FAT3: variants seen among roughly 807,000 people sequenced by gnomAD.
The protein encoded by FAT3 is FAT atypical cadherin 3.
Under a neutral mutation model 310.2 loss-of-function variants are expected in FAT3, and 95 were observed. The ratio of observed to expected loss-of-function variants is 0.31; its 90% CI spans 0.26 to 0.36. The LOEUF (loss-of-function observed/expected upper bound fraction) is 0.36. Among genes scored for constraint, FAT3 ranks in the 10% least tolerant of loss-of-function variants. The pLI, the probability that FAT3 is intolerant of heterozygous loss-of-function variation, is 1.00. For missense variants in FAT3, 5,408 were observed against 5,715.6 expected, an observed-to-expected ratio of 0.95 and a Z score of 1.74; for synonymous variants, 2,314 against 2,192.9, an observed-to-expected ratio of 1.06 and a Z score of -1.54.
At position 92,237,842 on chromosome 11, in the gene FAT3, G is replaced by T. The variant is rs145675568; in HGVS notation, c.-18+12668G>T. Among the ~76,000 whole-genome samples, 352 of 152,250 alleles carry T rather than the reference G, an allele frequency of 2.3e-3. 5 individuals carry two copies. The highest frequency in any genetic ancestry group is 8.3e-3 in the African/African-American group (344 of 41,546). ...GAAATTATAGGTGGTATTTGGTGGA[G>T]TTCTGAGTATTACTATCTGAGATCC... On this transcript the variant is annotated intron_variant, in intron 1 of 27. Transcript: ENST00000525166.
At chr11:92,779,455 A>C (rs1286799442) in intron 7 of FAT3, among the ~76,000 whole-genome samples, 1 of 152,146 alleles carries the variant, frequency 6.6e-6, no homozygotes, top group Non-Finnish European at 1.5e-5. Context: ...ATTTCCACTG[A>C]TCAAAGATGG....
chr11:92,861,256 G>A (rs7105856), intron 21 of FAT3, among the ~76,000 whole-genome samples: 9,851 of 152,212 alleles, frequency 0.065, 1,077 homozygotes, highest in African/African-American at 0.22. Flanking sequence ...TGCTCTAACA[G>A]GGCTGGTGGT....
At chr11:92,246,368 G>A (rs989623192) in intron 1 of FAT3, among the ~76,000 whole-genome samples, 2 of 152,084 alleles carry the variant, frequency 1.3e-5, no homozygotes, top group Non-Finnish European at 2.9e-5. Context: ...CATGAGTTGT[G>A]CACCATGCAC....
Position 92,805,069 on chromosome 11 carries a change from C to T in FAT3, c.8897-84C>T, listed in dbSNP as rs538898576. 107 of 1,384,552 alleles carry T rather than the reference C, an allele frequency of 7.7e-5. No individual in the cohort carries two copies. The South Asian group carries it at 1.5e-3, about 19-fold the overall frequency. The allele number at this position is 1,384,552 out of a possible 1,614,324, so 85.8% of individuals were successfully genotyped here. On this transcript the variant is annotated intron_variant, in intron 10 of 27. Transcript: ENST00000525166. Reference sequence around the variant, plus strand: ...TACAGTTTAAGGAGTACCTGGATGACTCCACATGCACCTCTCAAGGTAGAT... The same window carrying T: ...TACAGTTTAAGGAGTACCTGGATGATTCCACATGCACCTCTCAAGGTAGAT...
At chr11:92,270,309 G>C (rs939194817) in intron 1 of FAT3, among the ~76,000 whole-genome samples, 1 of 151,988 alleles carries the variant, frequency 6.6e-6, no homozygotes, top group African/African-American at 2.4e-5. Flanking sequence ...TTCAGAGCTT[G>C]AACTTGGGTC....
chr11:92,626,674 G>C (rs1396378296), intron 3 of FAT3, among the ~76,000 whole-genome samples: 1 of 151,970 alleles, frequency 6.6e-6, no homozygotes, highest in African/African-American at 2.4e-5. Flanking sequence ...AAATGGAGAG[G>C]GTTTTCATGA....
intron 1 of FAT3, among the ~76,000 whole-genome samples, chr11:92,320,880 A>G (rs187110329): frequency 0.052 from 7,765 of 148,520 alleles, 663 homozygotes; most frequent in African/African-American, 0.17. Flanking sequence ...AAAAAAAAAA[A>G]GGGGGGGGTA....
chr11:92,887,128 G>T lies in FAT3; in HGVS notation c.13051+15G>T. ...TGACGACAATGGTAAGAAGTCATCA[G>T]ATTTGTTCGGAGCGGGTGGGTTCTG... On this transcript the variant is annotated intron_variant, in intron 25 of 27. Coordinates refer to ENST00000525166, the MANE Select transcript of FAT3 (RefSeq NM_001367949.2). 1.9e-6 allele frequency: 3 copies of T among 1,594,066 alleles called. No homozygotes were observed. Among genetic ancestry groups the T allele is most frequent in the Non-Finnish European group, 2.6e-6 (3 of 1,169,358 alleles).
chr11:92,764,802 C>G (rs1946259817), intron 5 of FAT3, 77 bp from the exon 6 acceptor site: 4 of 1,373,188 alleles, frequency 2.9e-6, no homozygotes, highest in South Asian at 1.4e-5. Flanking sequence ...CTTGGCCCAG[C>G]AACATGAGTG....
intron 1 of FAT3, among the ~76,000 whole-genome samples, chr11:92,248,884 G>A (rs1865032843): frequency 6.6e-6 from 1 of 152,024 alleles, no homozygotes; most frequent in Admixed American, 6.6e-5. Context: ...TAAGAATCAT[G>A]GAACTTTAGG....
chr11:92,417,521 G>A (rs1298387989), intron 2 of FAT3, among the ~76,000 whole-genome samples: 1 of 152,152 alleles, frequency 6.6e-6, no homozygotes, highest in East Asian at 1.9e-4. Flanking sequence ...TAAATAATAA[G>A]CCTGGGAGAG....
chr11:92,232,396 T>A (rs557808968), intron 1 of FAT3, among the ~76,000 whole-genome samples: 11 of 152,288 alleles, frequency 7.2e-5, no homozygotes, highest in African/African-American at 2.6e-4. Context: ...GTCAATTAAA[T>A]GGAAAAATAT....
intron 2 of FAT3, among the ~76,000 whole-genome samples, chr11:92,431,368 T>C (rs946953295): frequency 1.3e-5 from 2 of 152,148 alleles, no homozygotes; most frequent in East Asian, 1.9e-4. Flanking sequence ...GTTTGTTTTT[T>C]TCTTGTAAAT....
At chr11:92,625,438 C>G (rs987981337) in intron 3 of FAT3, among the ~76,000 whole-genome samples, 3 of 152,114 alleles carry the variant, frequency 2.0e-5, no homozygotes, top group Non-Finnish European at 2.9e-5. Context: ...TTTCAACTCC[C>G]CCTGCCCAAG....
rs183079603 is a variant in FAT3, at chr11:92,546,148, C to A, written c.3607+21200C>A. ...ACATGATACTTTCCAAGTTTCAAAG[C>A]GAGCTTGTGTTGTGGGATTGTGTTT... On this transcript the variant is annotated intron_variant, in intron 3 of 27. Coordinates refer to ENST00000525166, the MANE Select transcript of FAT3 (RefSeq NM_001367949.2). 1.5e-4 allele frequency among the ~76,000 whole-genome samples: 23 copies of A among 152,224 alleles called. 1 individual carries two copies. The South Asian group carries it at 4.8e-3, about 32-fold the overall frequency.
chr11:92,602,046 T>A (rs996164115), intron 3 of FAT3, among the ~76,000 whole-genome samples: 4 of 152,008 alleles, frequency 2.6e-5, no homozygotes, highest in African/African-American at 9.7e-5. Flanking sequence ...CACGGCATAG[T>A]CCTAACTACT....
At chr11:92,603,656 T>A (rs184770690) in intron 3 of FAT3, among the ~76,000 whole-genome samples, 1 of 152,344 alleles carries the variant, frequency 6.6e-6, no homozygotes, top group East Asian at 1.9e-4. Flanking sequence ...TCTTGCTTCA[T>A]CTTTGGATGG....
At chr11:92,637,529 C>G (rs1312176797) in intron 3 of FAT3, among the ~76,000 whole-genome samples, 1 of 152,224 alleles carries the variant, frequency 6.6e-6, no homozygotes, top group African/African-American at 2.4e-5. Context: ...TGCAGAATCT[C>G]TCTGTCATTA....
intron 1 of FAT3, among the ~76,000 whole-genome samples, chr11:92,266,455 G>T (rs1338140842): frequency 1.3e-5 from 2 of 152,172 alleles, no homozygotes; most frequent in Non-Finnish European, 2.9e-5. Flanking sequence ...TCAGTTGATA[G>T]GTACTTTTCA....
Sources: allele counts gnomAD v4.1 joint callset (sites outside exome capture counted in the v4.1 genomes callset), GRCh38; gene constraint gnomAD v4.1.1; transcripts MANE v1.5; gene names NCBI Gene and HGNC (gene_info 2026-07-23, HGNC 2026-07-21).